The following CECR2 variants were observed in gnomAD, a reference collection of about 807,000 sequenced individuals.
CECR2 encodes CECR2 histone acetyl-lysine reader.
In CECR2, 30 loss-of-function variants were observed where a neutral mutation model predicts 154.5. That is an observed-to-expected ratio of 0.19 (90% CI 0.15 to 0.26). The LOEUF (loss-of-function observed/expected upper bound fraction) is 0.26. Among genes scored for constraint, CECR2 ranks in the 10% least tolerant of loss-of-function variants. The pLI is 1.00. For missense variants in CECR2, 1,743 were observed against 1,829.3 expected (o/e 0.95, Z 0.86); for synonymous variants, 725 against 683.7 (o/e 1.06, Z -0.94).
At chr22:17,512,285 A>T (rs2055970921) in intron 8 of CECR2, among the ~76,000 whole-genome samples, 1 of 152,098 alleles carries the variant, frequency 6.6e-6, no homozygotes, top group Non-Finnish European at 1.5e-5. Flanking sequence ...AAGGGGAGCA[A>T]AGAGGGTGGG....
At chr22:17,484,113 A>G (rs759141931) in intron 2 of CECR2, among the ~76,000 whole-genome samples, 3 of 152,230 alleles carry the variant, frequency 2.0e-5, no homozygotes, top group African/African-American at 7.2e-5. Flanking sequence ...TAAATACACT[A>G]TGATGTTTCC....
chr22:17,412,243 G>A (rs2054078263), intron 1 of CECR2, among the ~76,000 whole-genome samples: 1 of 152,198 alleles, frequency 6.6e-6, no homozygotes, highest in South Asian at 2.1e-4. Context: ...GACTGGGGAA[G>A]GGTCATTTCT....
At chr22:17,517,730 G>A (rs1448646675) in intron 8 of CECR2, among the ~76,000 whole-genome samples, 1 of 152,174 alleles carries the variant, frequency 6.6e-6, no homozygotes, top group South Asian at 2.1e-4. Flanking sequence ...CAGTTACAAG[G>A]CTTGGCCTTA....
At chr22:17,519,000 G>T in intron 8 of CECR2, 1 of 197,258 alleles carries the variant, frequency 5.1e-6, no homozygotes, top group South Asian at 1.2e-4. Context: ...CTGCATCAGA[G>T]AGAACTTCTC....
intron 1 of CECR2, among the ~76,000 whole-genome samples, chr22:17,378,945 G>GTT (rs953922062): frequency 6.6e-6 from 1 of 152,094 alleles, no homozygotes; most frequent in African/African-American, 2.4e-5. Context: ...GGAAACAGAT[G>GTT]TTTTGTTAAT....
At chr22:17,473,093 C>T (rs2055154558) in intron 1 of CECR2, among the ~76,000 whole-genome samples, 1 of 152,182 alleles carries the variant, frequency 6.6e-6, no homozygotes, top group Non-Finnish European at 1.5e-5. Flanking sequence ...GTTGAACAGA[C>T]TTTTCCCTAA....
chr22:17,365,471 G>T (rs1302821304), upstream of CECR2, among the ~76,000 whole-genome samples: 2 of 152,226 alleles, frequency 1.3e-5, no homozygotes, highest in Admixed American at 1.3e-4. Context: ...AAGGTGGGCG[G>T]ATCACGAGGT....
At chr22:17,397,232 G>A (rs2053825115) in intron 1 of CECR2, among the ~76,000 whole-genome samples, 1 of 152,016 alleles carries the variant, frequency 6.6e-6, no homozygotes, top group South Asian at 2.1e-4. Flanking sequence ...CACCTCCCAG[G>A]TTCAAGCGAT....
At chr22:17,382,351 G>A (rs2063208170) in intron 1 of CECR2, among the ~76,000 whole-genome samples, 1 of 152,172 alleles carries the variant, frequency 6.6e-6, no homozygotes, top group African/African-American at 2.4e-5. Flanking sequence ...TGTATACTAA[G>A]TGTTTTAGGT....
At chr22:17,547,838 C>T (rs946582136) in intron 16 of CECR2, among the ~76,000 whole-genome samples, 3 of 152,092 alleles carry the variant, frequency 2.0e-5, no homozygotes, top group Non-Finnish European at 2.9e-5. Flanking sequence ...GCCTAGAGTC[C>T]GTGAGCCACA....
At chr22:17,392,064 C>T (rs1372667093) in intron 1 of CECR2, among the ~76,000 whole-genome samples, 1 of 152,142 alleles carries the variant, frequency 6.6e-6, no homozygotes, top group Non-Finnish European at 1.5e-5. Context: ...CCTGCTTCGG[C>T]CTCCCAAAGT....
chr22:17,489,761 T>G (rs915308132), intron 2 of CECR2, among the ~76,000 whole-genome samples: 1 of 152,194 alleles, frequency 6.6e-6, no homozygotes, highest in African/African-American at 2.4e-5. Flanking sequence ...CCAGGCCTTA[T>G]CAACTTTTTA....
intron 1 of CECR2, among the ~76,000 whole-genome samples, chr22:17,392,033 C>G (rs1004451910): frequency 1.3e-5 from 2 of 152,204 alleles, no homozygotes; most frequent in African/African-American, 4.8e-5. Context: ...AACTCTCGAA[C>G]TCCCAAACTC....
intron 1 of CECR2, chr22:17,418,720 CA>C: frequency 1.9e-6 from 1 of 517,264 alleles, no homozygotes; most frequent in Non-Finnish European, 2.8e-6. Context: ...TGGATTTGGG[CA>C]AAGACCCCAA....
intron 16 of CECR2, among the ~76,000 whole-genome samples, chr22:17,545,361 C>T (rs551366132): frequency 1.1e-3 from 112 of 100,300 alleles, no homozygotes; most frequent in African/African-American, 5.0e-3. Context: ...GGCGAAACAG[C>T]GAGACTCCGT....
At chr22:17,539,550 A>G (rs1186969077) in intron 13 of CECR2, among the ~76,000 whole-genome samples, 1 of 152,122 alleles carries the variant, frequency 6.6e-6, no homozygotes, top group Non-Finnish European at 1.5e-5. Flanking sequence ...ATTAGGAGAT[A>G]CATATACCTA....
At chr22:17,482,635 A>G (rs1000552971) in intron 2 of CECR2, among the ~76,000 whole-genome samples, 2 of 151,806 alleles carry the variant, frequency 1.3e-5, no homozygotes, top group South Asian at 4.2e-4. Context: ...CTGGTCTCAA[A>G]CGATCTTCCC....
chr22:17,482,885 A>C (rs547270383), intron 2 of CECR2, among the ~76,000 whole-genome samples: 1 of 151,244 alleles, frequency 6.6e-6, no homozygotes, highest in Admixed American at 6.6e-5. Flanking sequence ...GTTTCACCGC[A>C]TTAGCCAGGA....
chr22:17,398,400 G>C (rs114593311), intron 1 of CECR2, among the ~76,000 whole-genome samples: 80 of 152,226 alleles, frequency 5.3e-4, no homozygotes, highest in African/African-American at 1.8e-3. Context: ...CGTAAGTGTG[G>C]GACATGTTGA....
Sources: allele counts gnomAD v4.1 joint callset (sites outside exome capture counted in the v4.1 genomes callset), GRCh38; gene constraint gnomAD v4.1.1; transcripts MANE v1.5; gene names NCBI Gene and HGNC (gene_info 2026-07-23, HGNC 2026-07-21).